Variants in ANKFN1 observed in about 807,000 individuals in gnomAD.
ANKFN1 encodes ankyrin repeat and fibronectin type-III domain-containing protein 1.
In ANKFN1, 74 loss-of-function variants were observed where a neutral mutation model predicts 108.7. That is an observed-to-expected ratio of 0.68 (90% CI 0.56 to 0.83). The LOEUF (loss-of-function observed/expected upper bound fraction) is 0.83. Ranked by LOEUF, ANKFN1 falls within the 40% of genes least tolerant of loss-of-function variation. ANKFN1 has a pLI of 0.00. For missense variants in ANKFN1, 1,505 were observed against 1,382.3 expected (o/e 1.09, Z -1.41); for synonymous variants, 547 against 516.2 (o/e 1.06, Z -0.81).
intron 8 of ANKFN1, among the ~76,000 whole-genome samples, chr17:56,414,034 A>C (rs181838722): frequency 4.0e-4 from 61 of 152,328 alleles, no homozygotes; most frequent in African/African-American, 1.5e-3. Flanking sequence ...CCAGGGATAA[A>C]GCCTACTTGG....
rs1491324773 is a variant in ANKFN1, at chr17:56,467,807, A to AAAG, written c.1773+1239_1773+1241dup. Among the ~76,000 whole-genome samples, 197 of 32,812 alleles carry AAAG rather than the reference A, an allele frequency of 6.0e-3. 6 individuals carry two copies. Among genetic ancestry groups the AAAG allele is most frequent in the African/African-American group, 0.031 (186 of 6,078 alleles). 21.5% of individuals were successfully genotyped at this position (32,812 alleles called of 152,430 possible). ...AGAAAGAAAGAAGAAAGAAAGAAAGAAAGAAAGAAAGAAAGAAAGAAAGAA... is the reference window on the plus strand; with the variant it reads ...AGAAAGAAAGAAGAAAGAAAGAAAGAAAGAAGAAAGAAAGAAAGAAAGAAAGAA... On this transcript the variant is annotated intron_variant, in intron 15 of 20. Transcript: ENST00000682825.
intron 15 of ANKFN1, among the ~76,000 whole-genome samples, chr17:56,469,543 T>C (rs1263110495): frequency 6.6e-6 from 1 of 152,104 alleles, no homozygotes; most frequent in Non-Finnish European, 1.5e-5. Flanking sequence ...TCACATCACA[T>C]TCTGTGCACC....
chr17:56,198,640 A>C (rs1412390180), intron 1 of ANKFN1, among the ~76,000 whole-genome samples: 1 of 152,174 alleles, frequency 6.6e-6, no homozygotes, highest in Non-Finnish European at 1.5e-5. Context: ...GTGTATCTGA[A>C]AATTAGTGTT....
rs534395795 is a variant in ANKFN1, at chr17:56,279,426, C to T, written c.54-46795C>T. ...AATATTATCAGATATTCTGTGTTTT[C>T]ACCCAAGAAGCATAAGGCTTCAGGC... On this transcript the variant is annotated intron_variant, in intron 3 of 20. Coordinates refer to ENST00000682825, the MANE Select transcript of ANKFN1 (RefSeq NM_001370326.1). 2.6e-5 allele frequency among the ~76,000 whole-genome samples: 4 copies of T among 152,272 alleles called. No homozygotes were observed. In the South Asian group the frequency reaches 8.3e-4, roughly 32 times the overall value.
At chr17:56,262,843 A>G (rs542387204) in intron 3 of ANKFN1, among the ~76,000 whole-genome samples, 33 of 152,178 alleles carry the variant, frequency 2.2e-4, no homozygotes, top group African/African-American at 8.0e-4. Flanking sequence ...ATAGTTAGAG[A>G]GACGAGCCAC....
chr17:56,193,462 A>T (rs772157847), intron 1 of ANKFN1, among the ~76,000 whole-genome samples: 7 of 147,992 alleles, frequency 4.7e-5, no homozygotes, highest in East Asian at 3.9e-4. Context: ...TAGCGTTTTT[A>T]AAAAAAAACA....
At chr17:56,203,405 C>T (rs1914225613) in intron 1 of ANKFN1, among the ~76,000 whole-genome samples, 1 of 152,182 alleles carries the variant, frequency 6.6e-6, no homozygotes, top group Non-Finnish European at 1.5e-5. Flanking sequence ...CCTCATGGTG[C>T]TTTTCCGACT....
chr17:56,466,330 G>C (rs1430411829), intron 14 of ANKFN1, 26 bp from the exon 15 acceptor site: 1 of 1,598,916 alleles, frequency 6.3e-7, no homozygotes, highest in Non-Finnish European at 8.6e-7. Context: ...TACCCTCTAT[G>C]CTACCGGTAA....
intron 8 of ANKFN1, among the ~76,000 whole-genome samples, chr17:56,377,031 A>G (rs2046965390): frequency 6.6e-6 from 1 of 152,212 alleles, no homozygotes; most frequent in Non-Finnish European, 1.5e-5. Context: ...AAGAAGAAAC[A>G]ATTGAGAAAT....
At chr17:56,404,590 A>G (rs897539478) in intron 8 of ANKFN1, among the ~76,000 whole-genome samples, 1 of 152,030 alleles carries the variant, frequency 6.6e-6, no homozygotes, top group Non-Finnish European at 1.5e-5. Flanking sequence ...ATTTTCTTGC[A>G]TTGGGCTTCA....
intron 19 of ANKFN1, among the ~76,000 whole-genome samples, chr17:56,493,973 T>A (rs770010931): frequency 3.3e-5 from 5 of 152,194 alleles, no homozygotes; most frequent in Non-Finnish European, 5.9e-5. Context: ...CTCATAATGT[T>A]ACTGAGAGAA....
At chr17:56,089,161 T>C (rs1905369242) in intron 4 of ANKFN1, among the ~76,000 whole-genome samples, 1 of 151,510 alleles carries the variant, frequency 6.6e-6, no homozygotes. Flanking sequence ...AGTGTTCTAG[T>C]TATCATGTCA....
intron 3 of ANKFN1, among the ~76,000 whole-genome samples, chr17:56,295,651 G>C (rs945975003): frequency 2.6e-5 from 4 of 152,284 alleles, no homozygotes; most frequent in African/African-American, 9.6e-5. Flanking sequence ...GTCTTAGTCA[G>C]TTTTGTGCTG....
chr17:56,493,978 A>G (rs1300804485), intron 19 of ANKFN1, among the ~76,000 whole-genome samples: 1 of 152,202 alleles, frequency 6.6e-6, no homozygotes, highest in Non-Finnish European at 1.5e-5. Context: ...AATGTTACTG[A>G]GAGAATTCAA....
At chr17:56,426,579 A>T (rs371138588) in intron 8 of ANKFN1, among the ~76,000 whole-genome samples, 120 of 152,322 alleles carry the variant, frequency 7.9e-4, no homozygotes, top group African/African-American at 2.5e-3. Context: ...ATACAAGCAG[A>T]TATGGAGAAA....
At chr17:56,255,034 T>G (rs141875916) in intron 3 of ANKFN1, among the ~76,000 whole-genome samples, 62 of 151,886 alleles carry the variant, frequency 4.1e-4, no homozygotes, top group African/African-American at 1.2e-3. Flanking sequence ...AGAGAAAGAG[T>G]GAGCAATGAG....
chr17:56,124,024 G>A (rs1406265476), intron 4 of ANKFN1, among the ~76,000 whole-genome samples: 1 of 152,236 alleles, frequency 6.6e-6, no homozygotes, highest in East Asian at 1.9e-4. Flanking sequence ...AGGGGTCCAT[G>A]GTGCGCAGAA....
intron 3 of ANKFN1, among the ~76,000 whole-genome samples, chr17:56,245,978 C>G (rs1021691374): frequency 6.6e-6 from 1 of 152,124 alleles, no homozygotes; most frequent in Non-Finnish European, 1.5e-5. Flanking sequence ...TCCCCTGAAT[C>G]AAGTTAAAAT....
At chr17:56,340,096 T>G (rs2045921325) in intron 4 of ANKFN1, among the ~76,000 whole-genome samples, 1 of 152,224 alleles carries the variant, frequency 6.6e-6, no homozygotes, top group Non-Finnish European at 1.5e-5. Flanking sequence ...GCTGCATGTA[T>G]GTCTTCTTTT....
Sources: allele counts gnomAD v4.1 joint callset (sites outside exome capture counted in the v4.1 genomes callset), GRCh38; gene constraint gnomAD v4.1.1; transcripts MANE v1.5; gene names NCBI Gene and HGNC (gene_info 2026-07-23, HGNC 2026-07-21).